The following APAF1 variants were observed in gnomAD, a reference collection of about 807,000 sequenced individuals.
APAF1 encodes apoptotic peptidase activating factor 1.
APAF1 carries 91 observed loss-of-function variants against 152.4 expected under a neutral mutation model. The observed-to-expected ratio is 0.60, with a 90% CI of 0.50 to 0.71. APAF1 has a LOEUF of 0.71. APAF1 is among the 30% of genes least tolerant of loss of function. The pLI, the probability that APAF1 is intolerant of heterozygous loss-of-function variation, is 0.00. For synonymous variants in APAF1, 484 were observed against 494.1 expected, an observed-to-expected ratio of 0.98 and a Z score of 0.27; for missense variants, 1,283 against 1,472.0, an observed-to-expected ratio of 0.87 and a Z score of 2.10.
chr12:98,705,894 T>A (rs561116265), intron 18 of APAF1, among the ~76,000 whole-genome samples: 1 of 152,326 alleles, frequency 6.6e-6, no homozygotes, highest in East Asian at 1.9e-4. Flanking sequence ...GATTCCAAAG[T>A]CAAAGTTTTA....
intron 18 of APAF1, among the ~76,000 whole-genome samples, chr12:98,704,367 T>C (rs2097719077): frequency 6.6e-6 from 1 of 152,224 alleles, no homozygotes; most frequent in Non-Finnish European, 1.5e-5. Context: ...TCCAAGAAGA[T>C]GGGTATGGGC....
At position 98,648,630 on chromosome 12, in the gene APAF1, C is replaced by G; in HGVS notation, c.143C>G (p.Thr48Ser). ...SEEEKVRNEP[T>S]QQQRAAMLIK... Reference sequence around the variant, plus strand: ...AAACTACTTAATTTTTTTTAGCCCACTCAACAGCAAAGAGCAGCTATGCTG... The same window carrying G: ...AAACTACTTAATTTTTTTTAGCCCAGTCAACAGCAAAGAGCAGCTATGCTG... Residue 48 changes from threonine to serine, a missense_variant, in exon 3 of 27, where the codon ACT becomes AGT. By Grantham distance (58) the Thr-to-Ser change is moderately conservative. Coordinates refer to ENST00000551964, the MANE Select transcript of APAF1 (RefSeq NM_181861.2). 1.2e-6 allele frequency: 2 copies of G among 1,613,410 alleles called. No individual in the cohort carries two copies. The highest frequency in any genetic ancestry group is 1.7e-6 in the Non-Finnish European group (2 of 1,179,834).
At chr12:98,710,743 A>G (rs1020016751) in intron 20 of APAF1, among the ~76,000 whole-genome samples, 3 of 152,216 alleles carry the variant, frequency 2.0e-5, no homozygotes. Context: ...ACAAGTTGTA[A>G]AGCTGTAGAG....
At chr12:98,657,841 G>A (rs926104073) in intron 4 of APAF1, among the ~76,000 whole-genome samples, 2 of 152,152 alleles carry the variant, frequency 1.3e-5, no homozygotes, top group Non-Finnish European at 2.9e-5. Flanking sequence ...GAAGATAATA[G>A]TGTCTGCTTG....
intron 24 of APAF1, 68 bp from the exon 25 acceptor site, chr12:98,725,347 T>A (rs2097748887): frequency 2.4e-5 from 38 of 1,594,602 alleles, no homozygotes; most frequent in Non-Finnish European, 3.1e-5. Context: ...TATGGCTGAA[T>A]AGCAATCAAG....
intron 16 of APAF1, among the ~76,000 whole-genome samples, chr12:98,696,852 G>C (rs1451867081): frequency 6.6e-6 from 1 of 152,124 alleles, no homozygotes; most frequent in African/African-American, 2.4e-5. Context: ...GTGTGTGCCA[G>C]ATACTGTACT....
At chr12:98,723,859 T>C in intron 24 of APAF1, 95 bp downstream of exon 24, 1 of 1,279,446 alleles carries the variant, frequency 7.8e-7, no homozygotes, top group Non-Finnish European at 1.1e-6. Context: ...ACAGTTGCTC[T>C]CTACATGTCT....
At chr12:98,683,406 T>G in intron 15 of APAF1, 132 bp downstream of exon 15, 1 of 918,844 alleles carries the variant, frequency 1.1e-6, no homozygotes, top group East Asian at 2.5e-5. Context: ...ATATATTAGC[T>G]GAAGCAAAAA....
intron 20 of APAF1, among the ~76,000 whole-genome samples, chr12:98,708,961 T>G (rs917366194): frequency 2.6e-5 from 4 of 152,182 alleles, no homozygotes; most frequent in Admixed American, 6.5e-5. Flanking sequence ...TTGCATGGAG[T>G]CTAAGAATAC....
At chr12:98,683,899 C>A (rs2097695098) in intron 15 of APAF1, among the ~76,000 whole-genome samples, 1 of 152,130 alleles carries the variant, frequency 6.6e-6, no homozygotes, top group South Asian at 2.1e-4. Flanking sequence ...GGAAAGATAA[C>A]CAAAAACAGA....
intron 5 of APAF1, among the ~76,000 whole-genome samples, chr12:98,660,349 TAA>T (rs1014145850): frequency 6.9e-6 from 1 of 145,892 alleles, no homozygotes; most frequent in South Asian, 2.2e-4. Flanking sequence ...CTGTTTCAAT[TAA>T]AAAAAAAAAG....
rs755872148 is a variant in APAF1 at position 98,671,639 on chromosome 12, G to A, written c.1713G>A (p.Pro571=). The change falls in exon 12 of 27, where the codon CCG becomes CCA. Residue 571 remains proline (P), a synonymous_variant. Transcript: ENST00000551964. ...TTGTACAACTGGGTCTCTGTGAGCC[G>A]GAAACTTCAGAAGTTTATCAGCAAG... is the stretch of plus-strand genomic sequence containing the variant. ...PNIVQLGLCE[P]ETSEVYQQAK... is the part of the protein sequence containing the mutation. 8 of 1,613,918 alleles carry A rather than the reference G, an allele frequency of 5.0e-6. No homozygotes were observed. The highest frequency in any genetic ancestry group is 4.4e-5 in the South Asian group (4 of 91,072).
chr12:98,665,233 CATT>C (rs1257726698), intron 7 of APAF1, among the ~76,000 whole-genome samples: 92 of 133,072 alleles, frequency 6.9e-4, no homozygotes, highest in African/African-American at 2.3e-3. Flanking sequence ...GACAAGGTCT[CATT>C]ATATTGCTTA....
chr12:98,649,055 A>C, intron 3 of APAF1: 1 of 744,650 alleles, frequency 1.3e-6, no homozygotes, highest in Non-Finnish European at 2.1e-6. Context: ...TAATTTTTAG[A>C]GACAATAAGA....
chr12:98,704,446 C>T (rs77424512), intron 18 of APAF1, among the ~76,000 whole-genome samples: 2,963 of 152,334 alleles, frequency 0.019, 36 homozygotes, highest in Non-Finnish European at 0.031. Context: ...CTACTGCAAG[C>T]ACTTCTTCAG....
Position 98,662,776 on chromosome 12 carries a change from C to T in APAF1, c.925C>T (p.Gln309Ter), listed in dbSNP as rs2097667192. The T allele has an allele frequency of 6.2e-7, 1 of 1,610,774 alleles. No homozygotes were observed. The highest frequency in any genetic ancestry group is 8.5e-7 in the Non-Finnish European group (1 of 1,178,354). The change falls in exon 7 of 27, where the codon CAA (glutamine) becomes TAA (stop). Residue 309 changes from glutamine (Q) to a stop codon, truncating the protein, a stop_gained. Transcript: ENST00000551964. LOFTEE classifies it high-confidence loss of function. The stretch of plus-strand genomic sequence containing the variant: ...TATGAAGAAGGCAGATTTGCCAGAA[C>T]AAGCTCATAGTATTATAAAAGAATG... ...VNMKKADLPEQAHSIIKECKG... is the reference protein window; with the variant it reads ...VNMKKADLPE
intron 12 of APAF1, among the ~76,000 whole-genome samples, chr12:98,674,164 T>A (rs1463257198): frequency 1.3e-5 from 2 of 152,100 alleles, no homozygotes; most frequent in Admixed American, 6.6e-5. Flanking sequence ...CCTAATTTTT[T>A]ATTTTTTTGT....
In APAF1 at chr12:98,656,738, AT is replaced by A. The variant is rs573189029; in HGVS notation, c.527-2421del. Among the ~76,000 whole-genome samples, 266 of 152,302 alleles carry A rather than the reference AT, an allele frequency of 1.7e-3. 1 individual carries two copies. Among genetic ancestry groups the A allele is most frequent in the African/African-American group, 6.1e-3 (255 of 41,562 alleles). ...GTTTCCTGAGTTTACTACCTTCTCCATAACCTTCTTAAGTGACATGGCAACT... is the reference window on the plus strand; with the variant it reads ...GTTTCCTGAGTTTACTACCTTCTCCAAACCTTCTTAAGTGACATGGCAACT... On this transcript the variant is annotated intron_variant, in intron 4 of 26. Transcript: ENST00000551964.
intron 23 of APAF1, 56 bp downstream of exon 23, chr12:98,723,368 A>G (rs2097745762): frequency 3.8e-6 from 6 of 1,563,876 alleles, no homozygotes; most frequent in Non-Finnish European, 5.3e-6. Flanking sequence ...TGCAATGATT[A>G]TATTGAGACA....
Sources: allele counts gnomAD v4.1 joint callset (sites outside exome capture counted in the v4.1 genomes callset), GRCh38; gene constraint gnomAD v4.1.1; transcripts MANE v1.5; gene names NCBI Gene and HGNC (gene_info 2026-07-23, HGNC 2026-07-21).